Variants in HNRNPF observed in about 807,000 individuals in gnomAD.
HNRNPF encodes the protein HnRNP F protein.
In HNRNPF, 2 loss-of-function variants were observed where a neutral mutation model predicts 26.0. The observed-to-expected ratio is 0.08, with a 90% confidence interval of 0.03 to 0.24. The LOEUF (loss-of-function observed/expected upper bound fraction) is 0.24, where lower values mean the gene tolerates loss of function less well. Among genes scored for constraint, HNRNPF ranks in the 10% least tolerant of loss-of-function variants. HNRNPF has a pLI of 1.00. For missense variants in HNRNPF, 299 were observed against 539.2 expected, an observed-to-expected ratio of 0.55 and a Z score of 4.41; for synonymous variants, 234 against 211.5, an observed-to-expected ratio of 1.11 and a Z score of -0.92.
In HNRNPF at chr10:43,387,288, C is replaced by T; in HGVS notation, c.597G>A (p.Leu199=). 2 of 1,614,242 alleles carry T rather than the reference C, an allele frequency of 1.2e-6. No homozygotes were observed. Among genetic ancestry groups the T allele is most frequent in the South Asian group, 2.2e-5 (2 of 91,090 alleles). ...CTGGCCGCTGCACGGACATGAACTTCAGAGGGGGATCTGAGTATGACCTAA... is the reference window on the plus strand; with the variant it reads ...CTGGCCGCTGCACGGACATGAACTTTAGAGGGGGATCTGAGTATGACCTAA... ...EEVRSYSDPP[L]KFMSVQRPGP... The change falls in exon 4 of 4, where the codon CTG becomes CTA. Residue 199 remains leucine, a synonymous_variant. Coordinates refer to ENST00000682386, the MANE Select transcript of HNRNPF (RefSeq NM_001098204.2). This position sits in a 1 kb window ranked among gnomAD's most constrained non-coding sequence, Gnocchi z 6.0.
At chr10:43,404,967 G>T (rs956522371) in intron 1 of HNRNPF, among the ~76,000 whole-genome samples, 1 of 152,166 alleles carries the variant, frequency 6.6e-6, no homozygotes, top group African/African-American at 2.4e-5. Flanking sequence ...CTGCAAGACA[G>T]CCCGACAAAT....
chr10:43,387,738 T>C lies in HNRNPF; in HGVS notation c.147A>G (p.Arg49=). Residue 49 remains arginine, a synonymous_variant, in exon 4 of 4, where the codon AGA becomes AGG. Transcript: ENST00000682386. This position sits in a 1 kb window ranked among gnomAD's most constrained non-coding sequence, Gnocchi z 6.0. The part of the protein sequence containing the change: ...GAAGVHFIYT[R]EGRQSGEAFV... ...AAGCCTCACCACTCTGCCTGCCCTC[T>C]CTAGTGTAGATGAAATGGACACCTG... The C allele has an allele frequency of 6.2e-7, 1 of 1,614,084 alleles. No individual in the cohort carries two copies. The highest frequency in any genetic ancestry group is 8.5e-7 in the Non-Finnish European group (1 of 1,180,022).
At chr10:43,400,136 A>T (rs1838707440) in intron 1 of HNRNPF, among the ~76,000 whole-genome samples, 1 of 152,098 alleles carries the variant, frequency 6.6e-6, no homozygotes, top group Non-Finnish European at 1.5e-5. Context: ...ACTTGAGCCC[A>T]AGAGAGTTCG....
intron 1 of HNRNPF, among the ~76,000 whole-genome samples, chr10:43,405,637 C>G (rs1171768291): frequency 4.7e-5 from 7 of 149,576 alleles, no homozygotes; most frequent in African/African-American, 1.2e-4. Flanking sequence ...GCCTGGGTGA[C>G]AAGAGCAAGA....
intron 2 of HNRNPF, among the ~76,000 whole-genome samples, chr10:43,394,917 G>A (rs994344197): frequency 6.6e-6 from 1 of 152,074 alleles, no homozygotes; most frequent in Non-Finnish European, 1.5e-5. Flanking sequence ...ATCTTGATGA[G>A]ATTTACTCTT....
chr10:43,404,862 A>T (rs909704127), intron 1 of HNRNPF, among the ~76,000 whole-genome samples: 3 of 152,206 alleles, frequency 2.0e-5, no homozygotes, highest in Non-Finnish European at 4.4e-5. Context: ...CTACCTCTAG[A>T]GGTAACTATC....
chr10:43,393,238 C>T (rs1269744977), intron 3 of HNRNPF, among the ~76,000 whole-genome samples: 2 of 152,134 alleles, frequency 1.3e-5, no homozygotes, highest in Non-Finnish European at 2.9e-5. Context: ...ATTGTTATTT[C>T]TCCTATTCTA....
At position 43,386,786 on chromosome 10, in the gene HNRNPF, C is replaced by G; in HGVS notation, c.1099G>C (p.Ala367Pro). ...TGGCTGCTATACGCCCCATTGCTGG[C>G]CCCTGTTGTTGAATTCAAGAAGAGT... is the stretch of plus-strand genomic sequence containing the variant. Reference protein sequence around the residue: ...IELFLNSTTGASNGAYSSQVM... With the variant: ...IELFLNSTTGPSNGAYSSQVM... The change falls in exon 4 of 4, where the codon GCC becomes CCC. Residue 367 changes from alanine to proline, a missense_variant. By Grantham distance (27) the Ala-to-Pro change is conservative (BLOSUM62 -1). Transcript: ENST00000682386. 1 of 1,614,168 alleles carries G rather than the reference C, an allele frequency of 6.2e-7. No homozygotes were observed. Among genetic ancestry groups the G allele is most frequent in the Non-Finnish European group, 8.5e-7 (1 of 1,180,042 alleles).
intron 3 of HNRNPF, 137 bp from the exon 4 acceptor site, chr10:43,388,073 A>G (rs1260961226): frequency 3.6e-6 from 2 of 562,934 alleles, no homozygotes; most frequent in Non-Finnish European, 6.2e-6. Flanking sequence ...GGTCTCTCAA[A>G]AAATTACATT....
intron 2 of HNRNPF, among the ~76,000 whole-genome samples, chr10:43,395,907 G>T (rs1378330651): frequency 1.3e-5 from 2 of 152,160 alleles, no homozygotes; most frequent in Non-Finnish European, 2.9e-5. Flanking sequence ...GCCAACGCAC[G>T]CAGAGGAAGA....
chr10:43,388,394 G>A (rs963693979), intron 3 of HNRNPF, among the ~76,000 whole-genome samples: 14 of 152,170 alleles, frequency 9.2e-5, no homozygotes, highest in Admixed American at 9.2e-4. Context: ...ATAGCAGGCT[G>A]TTTTTAAACC....
chr10:43,386,416 G>A lies in HNRNPF; in HGVS notation c.*221C>T. 2.0e-6 allele frequency: 1 copy of A among 492,118 alleles called. No individual in the cohort carries two copies. Among genetic ancestry groups the A allele is most frequent in the Non-Finnish European group, 3.6e-6 (1 of 280,990 alleles). The allele number at this position is 492,118 out of a possible 1,614,324, so 30.5% of individuals were successfully genotyped here. On this transcript the variant is annotated 3_prime_UTR_variant, in exon 4 of 4. Transcript: ENST00000682386. The stretch of plus-strand genomic sequence containing the variant: ...TCACTCTGAAGTATACTACCAAAAT[G>A]TTAATTGAGAAAAGCTGAAAATAGT...
chr10:43,400,362 G>A (rs1309243809), intron 1 of HNRNPF, among the ~76,000 whole-genome samples: 1 of 151,912 alleles, frequency 6.6e-6, no homozygotes, highest in African/African-American at 2.4e-5. Flanking sequence ...TTCTTATTTC[G>A]TGGTGAATCC....
chr10:43,407,520 C>T (rs1233198986), intron 1 of HNRNPF, among the ~76,000 whole-genome samples: 2 of 152,102 alleles, frequency 1.3e-5, no homozygotes, highest in East Asian at 1.9e-4. Context: ...CTCCTCAAAA[C>T]CCTGGTCCAC....
chr10:43,396,354 T>G (rs552820335), intron 2 of HNRNPF, 102 bp downstream of exon 2: 130 of 151,702 alleles, frequency 8.6e-4, no homozygotes, highest in African/African-American at 3.0e-3. Context: ...GCCAGGAGGC[T>G]GGGAGCGCGT....
intron 2 of HNRNPF, among the ~76,000 whole-genome samples, chr10:43,395,031 G>A (rs1027131287): frequency 5.9e-5 from 9 of 152,242 alleles, no homozygotes; most frequent in African/African-American, 2.2e-4. Context: ...ATGTTGGCCA[G>A]GCTGGTCCCA....
At chr10:43,397,452 G>T (rs1838590783) in intron 1 of HNRNPF, 1 of 152,282 alleles carries the variant, frequency 6.6e-6, no homozygotes, top group Admixed American at 6.5e-5. Context: ...CTCCCGAAGG[G>T]AGCCAGGCGC....
intron 1 of HNRNPF, chr10:43,396,798 G>C (rs973881250): frequency 6.6e-6 from 1 of 151,772 alleles, no homozygotes; most frequent in Non-Finnish European, 1.5e-5. Context: ...GGGCTCGGGC[G>C]GGAGCTTCCG....
Position 43,387,783 on chromosome 10 carries a change from G to A in HNRNPF, c.102C>T (p.Cys34=). Residue 34 remains cysteine, a synonymous_variant, in exon 4 of 4, where the codon TGC becomes TGT. Coordinates refer to ENST00000682386, the MANE Select transcript of HNRNPF (RefSeq NM_001098204.2). This position sits in a 1 kb window ranked among gnomAD's most constrained non-coding sequence, Gnocchi z 6.0. ...VEDVQNFLSD[C]TIHDGAAGVH... Reference sequence around the variant, plus strand: ...CACCTGCGGCCCCATCATGAATCGTGCAGTCAGAGAGGAAGTTCTGCACGT... The same window carrying A: ...CACCTGCGGCCCCATCATGAATCGTACAGTCAGAGAGGAAGTTCTGCACGT... The A allele has an allele frequency of 6.2e-7, 1 of 1,614,052 alleles. No homozygotes were observed. Among genetic ancestry groups the A allele is most frequent in the South Asian group, 1.1e-5 (1 of 91,068 alleles).
Sources: allele counts gnomAD v4.1 joint callset (sites outside exome capture counted in the v4.1 genomes callset), GRCh38; gene constraint gnomAD v4.1.1; non-coding constraint Gnocchi (gnomAD v3.1); transcripts MANE v1.5; gene names NCBI Gene and HGNC (gene_info 2026-07-23, HGNC 2026-07-21).